Variants in BEND5 observed in about 807,000 individuals in gnomAD.
The protein encoded by BEND5 is BEN domain-containing protein 5.
Under a neutral mutation model 43.9 loss-of-function variants are expected in BEND5, and 22 were observed. That is an observed-to-expected ratio of 0.50 (90% CI 0.36 to 0.72). BEND5 has a LOEUF of 0.72. Among genes scored for constraint, BEND5 ranks in the 30% least tolerant of loss-of-function variants. The pLI, the probability that BEND5 is intolerant of heterozygous loss-of-function variation, is 0.00. For missense variants in BEND5, 428 were observed against 550.6 expected (o/e 0.78, Z 2.23); for synonymous variants, 228 against 225.9 (o/e 1.01, Z -0.08).
chr1:48,757,193 A>G (rs745916923), intron 3 of BEND5, among the ~76,000 whole-genome samples: 1 of 152,176 alleles, frequency 6.6e-6, no homozygotes, highest in Non-Finnish European at 1.5e-5. Context: ...GCCCCCAAGA[A>G]GTTCATAAAA....
chr1:48,776,481 G>A (rs1017537999), intron 1 of BEND5, 125 bp downstream of exon 1: 1 of 704,520 alleles, frequency 1.4e-6, no homozygotes, highest in Admixed American at 4.3e-5. Context: ...CCCAGAGGAC[G>A]GGAGAAGGAG....
At position 48,742,719 on chromosome 1, in the gene BEND5, C is replaced by T. The variant is rs1441485356; in HGVS notation, c.798G>A (p.Pro266=). 4 of 1,609,936 alleles carry T rather than the reference C, an allele frequency of 2.5e-6. No homozygotes were observed. Among genetic ancestry groups the T allele is most frequent in the African/African-American group, 1.3e-5 (1 of 74,790 alleles). Residue 266 remains proline (P), a synonymous_variant, in exon 4 of 6, where the codon CCG becomes CCA. Transcript: ENST00000371833. Reference sequence around the variant, plus strand: ...CCTCACTGAAAGTGCTCCGTAACTCCGGCTCGGGCTCGAGACATTCTGACT... The same window carrying T: ...CCTCACTGAAAGTGCTCCGTAACTCTGGCTCGGGCTCGAGACATTCTGACT... ...KVKSECLEPE[P]ELRSTFSEEA...
Position 48,776,872 on chromosome 1 carries a change from C to A in BEND5, c.-41G>T. On this transcript the variant is annotated 5_prime_UTR_variant, in exon 1 of 6. Transcript: ENST00000371833. ...CGGGCCCCGGTCGGGCAGCTCAGCCCGCGGGGCGGGCGCGGAGGTGGGGAT... is the reference window on the plus strand; with the variant it reads ...CGGGCCCCGGTCGGGCAGCTCAGCCAGCGGGGCGGGCGCGGAGGTGGGGAT... 1 of 1,248,858 alleles carries A rather than the reference C, an allele frequency of 8.0e-7. No individual in the cohort carries two copies. The highest frequency in any genetic ancestry group is 1.0e-6 in the Non-Finnish European group (1 of 961,270). The allele number at this position is 1,248,858 out of a possible 1,614,324, so 77.4% of individuals were successfully genotyped here. A position where few individuals can be genotyped will look rare whatever the true frequency, so the allele number is the denominator to read the frequency against.
intron 3 of BEND5, among the ~76,000 whole-genome samples, chr1:48,747,754 C>T (rs1292268996): frequency 2.0e-5 from 3 of 152,142 alleles, no homozygotes; most frequent in Admixed American, 6.6e-5. Flanking sequence ...CTTGTTGTAT[C>T]GTAAACTGGA....
chr1:48,742,860 G>A, intron 3 of BEND5, 89 bp from the exon 4 acceptor site: 1 of 1,320,156 alleles, frequency 7.6e-7, no homozygotes, highest in South Asian at 1.9e-5. Flanking sequence ...GCACACCATG[G>A]CACAAAAAAT....
chr1:48,769,528 C>T (rs1195985917), intron 1 of BEND5, among the ~76,000 whole-genome samples: 3 of 116,638 alleles, frequency 2.6e-5, no homozygotes, highest in African/African-American at 4.1e-5. Flanking sequence ...GGATTTAAAA[C>T]ACACACACAC....
chr1:48,753,986 T>A (rs1652136172), intron 3 of BEND5, among the ~76,000 whole-genome samples: 1 of 152,218 alleles, frequency 6.6e-6, no homozygotes, highest in Non-Finnish European at 1.5e-5. Context: ...ATATTTGTGT[T>A]CCCTGTGAGA....
intron 3 of BEND5, among the ~76,000 whole-genome samples, chr1:48,744,662 C>T (rs1319102820): frequency 6.6e-6 from 1 of 152,182 alleles, no homozygotes; most frequent in South Asian, 2.1e-4. Flanking sequence ...TTGATTCTCT[C>T]CCATCCATCT....
At chr1:48,768,337 A>G (rs1408159601) in intron 1 of BEND5, among the ~76,000 whole-genome samples, 1 of 152,226 alleles carries the variant, frequency 6.6e-6, no homozygotes. Context: ...TATGGAAGCC[A>G]CAAAGCTCTA....
rs1570602198 is a variant in BEND5 at position 48,769,049 on chromosome 1, G to C, written c.226+7557C>G. ...TGCCTCTCTCATTAACTTGTTTGGT[G>C]ATTAGTCCTCTCTTGATTTTCTTTT... On this transcript the variant is annotated intron_variant, in intron 1 of 5. Coordinates refer to ENST00000371833, the MANE Select transcript of BEND5 (RefSeq NM_024603.4). Among the ~76,000 whole-genome samples the C allele has an allele frequency of 2.0e-5, 3 of 152,272 alleles. No homozygotes were observed. In the South Asian group the frequency reaches 6.2e-4, roughly 32 times the overall value.
intron 3 of BEND5, among the ~76,000 whole-genome samples, chr1:48,758,079 T>C (rs1367854465): frequency 6.6e-6 from 1 of 152,228 alleles, no homozygotes; most frequent in Non-Finnish European, 1.5e-5. Flanking sequence ...TAAACCACTT[T>C]AGATCAGAAA....
chr1:48,758,758 T>C (rs1228997286), intron 3 of BEND5, 142 bp downstream of exon 3: 3 of 687,530 alleles, frequency 4.4e-6, no homozygotes, highest in African/African-American at 3.6e-5. Flanking sequence ...GACTCTTCCT[T>C]GAGGTAACTG....
intron 3 of BEND5, among the ~76,000 whole-genome samples, chr1:48,749,914 G>A (rs768252279): frequency 3.9e-5 from 6 of 152,226 alleles, no homozygotes; most frequent in Non-Finnish European, 8.8e-5. Flanking sequence ...GCTGGGTTGG[G>A]GGGCTAAGGA....
rs1190968609 is a variant in BEND5, at chr1:48,759,272, G to A, written c.373C>T (p.Arg125Trp). 26 of 1,556,932 alleles carry A rather than the reference G, an allele frequency of 1.7e-5. No individual in the cohort carries two copies. The highest frequency in any genetic ancestry group is 1.9e-5 in the Admixed American group (1 of 51,500). Reference protein sequence around the residue: ...QLRHIKRPEGRKPSEVAHKSI... With the variant: ...QLRHIKRPEGWKPSEVAHKSI... ...TTGTGCGCCACTTCGCTCGGCTTCC[G>A]CCCCTCAGGTCTCTGTGTAGGACAA... is the stretch of plus-strand genomic sequence containing the variant. The change falls in exon 3 of 6, where the codon CGG becomes TGG. Residue 125 changes from arginine (R) to tryptophan (W), a missense_variant. Arg to Trp is a moderately radical substitution (Grantham distance 101, BLOSUM62 -3). Around this residue, in one of 4 missense-constraint regions of BEND5, gnomAD observed 243 missense variants for 286.4 expected, o/e 0.85. Coordinates refer to ENST00000371833, the MANE Select transcript of BEND5 (RefSeq NM_024603.4).
At chr1:48,770,590 G>C (rs1644765770) in intron 1 of BEND5, among the ~76,000 whole-genome samples, 1 of 152,094 alleles carries the variant, frequency 6.6e-6, no homozygotes, top group Non-Finnish European at 1.5e-5. Context: ...TGAGATCTTT[G>C]ACTTGGAATG....
chr1:48,760,816 T>C lies in BEND5; in HGVS notation c.360+521A>G, dbSNP rs919976764. 3.3e-5 allele frequency among the ~76,000 whole-genome samples: 5 copies of C among 152,308 alleles called. No homozygotes were observed. The South Asian group carries it at 1.0e-3, about 32-fold the overall frequency. ...TTGCCGAACAAGATTTTCAGCAGTTTCCAAAGTGAAGGCTGGAGACCAACT... is the reference window on the plus strand; with the variant it reads ...TTGCCGAACAAGATTTTCAGCAGTTCCCAAAGTGAAGGCTGGAGACCAACT... On this transcript the variant is annotated intron_variant, in intron 2 of 5. Coordinates refer to ENST00000371833, the MANE Select transcript of BEND5 (RefSeq NM_024603.4).
At position 48,759,212 on chromosome 1, in the gene BEND5, G is replaced by C. The variant is rs1321321848; in HGVS notation, c.433C>G (p.Gln145Glu). ...IEAVVARLEK[Q>E]NGLSLGHSTC... ...CTATGGCCCAGGCTCAGGCCGTTCTGCTTCTCTAGCCGAGCCACCACTGCC... is the reference window on the plus strand; with the variant it reads ...CTATGGCCCAGGCTCAGGCCGTTCTCCTTCTCTAGCCGAGCCACCACTGCC... Residue 145 changes from glutamine to glutamate, a missense_variant, in exon 3 of 6, where the codon CAG becomes GAG. By Grantham distance (29) the Gln-to-Glu change is conservative. Coordinates refer to ENST00000371833, the MANE Select transcript of BEND5 (RefSeq NM_024603.4). 6.2e-7 allele frequency: 1 copy of C among 1,606,708 alleles called. No individual in the cohort carries two copies. The highest frequency in any genetic ancestry group is 8.5e-7 in the Non-Finnish European group (1 of 1,176,868).
At position 48,776,455 on chromosome 1, in the gene BEND5, G is replaced by A. The variant is rs1484058657; in HGVS notation, c.226+151C>T. ...TGGCCTGGCCTCTTAGAGACACCCC[G>A]TTCCCAAATGAAATGCCCAGAGGAC... On this transcript the variant is annotated intron_variant, in intron 1 of 5. Transcript: ENST00000371833. 8.0e-5 allele frequency: 48 copies of A among 603,584 alleles called. 1 individual carries two copies. The Admixed American group carries it at 2.0e-3, about 25-fold the overall frequency. The allele number at this position is 603,584 out of a possible 1,614,324, so 37.4% of individuals were successfully genotyped here.
chr1:48,763,150 G>C (rs1203262133), intron 1 of BEND5, among the ~76,000 whole-genome samples: 17 of 152,012 alleles, frequency 1.1e-4, no homozygotes, highest in Admixed American at 1.1e-3. Flanking sequence ...ATTTAAGTAG[G>C]GTAAGGATGA....
Sources: gnomAD v4.1 joint callset for allele counts (sites outside exome capture counted in the v4.1 genomes callset) on GRCh38, gnomAD v4.1.1 for gene constraint, gnomAD v4.1.1 regional missense constraint, MANE v1.5 for transcripts, NCBI Gene and HGNC (gene_info 2026-07-23, HGNC 2026-07-21) for gene names.